IL1RAPL1: variants seen among roughly 807,000 people sequenced by gnomAD.
IL1RAPL1 encodes interleukin 1 receptor accessory protein like 1.
IL1RAPL1 carries 3 observed loss-of-function variants against 48.4 expected under a neutral mutation model. The observed-to-expected ratio is 0.06, with a 90% CI of 0.03 to 0.16. The LOEUF is 0.16. IL1RAPL1 is among the 10% of genes least tolerant of loss of function. IL1RAPL1 has a pLI of 1.00. For synonymous variants in IL1RAPL1, 185 were observed against 187.7 expected (o/e 0.99, Z 0.12); for missense variants, 349 against 530.6 (o/e 0.66, Z 3.36).
chrX:29,314,005 T>C (rs1457344351), intron 3 of IL1RAPL1, among the ~76,000 whole-genome samples: 1 of 112,270 alleles, frequency 8.9e-6, no homozygotes. Context: ...CAAGACAGTG[T>C]AGGATAGTTA....
chrX:28,976,690 G>T (rs1925215260), intron 2 of IL1RAPL1, among the ~76,000 whole-genome samples: 1 of 111,188 alleles, frequency 9.0e-6, no homozygotes, highest in Admixed American at 9.6e-5. Flanking sequence ...ATAAACAGAG[G>T]AGAGAAGAGA....
chrX:29,049,636 A>T (rs5943590), intron 2 of IL1RAPL1, among the ~76,000 whole-genome samples: 21,397 of 111,740 alleles, frequency 0.19, 1,603 homozygotes, highest in Middle Eastern at 0.24. Flanking sequence ...GGGTGCATTG[A>T]CTAGCACATA....
At chrX:29,716,484 G>A (rs941163523) in intron 6 of IL1RAPL1, among the ~76,000 whole-genome samples, 1 of 111,510 alleles carries the variant, frequency 9.0e-6, no homozygotes, top group Non-Finnish European at 1.9e-5. Context: ...AATGCTAAAT[G>A]CAAGCCAAAC....
intron 6 of IL1RAPL1, among the ~76,000 whole-genome samples, chrX:29,747,523 C>T (rs771119845): frequency 1.8e-5 from 2 of 111,897 alleles, no homozygotes; most frequent in Non-Finnish European, 3.8e-5. Flanking sequence ...GTGCAGTGTG[C>T]CAGCTCATTA....
chrX:28,645,141 A>G (rs2146900716), intron 1 of IL1RAPL1, among the ~76,000 whole-genome samples: 1 of 109,072 alleles, frequency 9.2e-6, no homozygotes, highest in East Asian at 2.9e-4. Context: ...TGAGGTTGGG[A>G]GTTCGAGACC....
At chrX:29,195,445 G>C (rs1037313167) in intron 2 of IL1RAPL1, among the ~76,000 whole-genome samples, 1 of 111,653 alleles carries the variant, frequency 9.0e-6, no homozygotes, top group Non-Finnish European at 1.9e-5. Context: ...TTTGAATTGG[G>C]AGGATTGTGG....
chrX:29,213,106 C>A (rs1474498410), intron 2 of IL1RAPL1, among the ~76,000 whole-genome samples: 2 of 111,800 alleles, frequency 1.8e-5, no homozygotes, highest in Non-Finnish European at 3.8e-5. Context: ...TCAAATGATT[C>A]TCCTGCCTCA....
intron 3 of IL1RAPL1, among the ~76,000 whole-genome samples, chrX:29,337,669 C>A (rs1933015191): frequency 9.0e-6 from 1 of 111,106 alleles, no homozygotes; most frequent in Non-Finnish European, 1.9e-5. Flanking sequence ...CAATATCTGA[C>A]AAATTTATTT....
In IL1RAPL1 at chrX:29,924,969, C is replaced by G. The variant is rs1022940205; in HGVS notation, c.1057+4875C>G. Among the ~76,000 whole-genome samples the G allele has an allele frequency of 3.6e-5, 4 of 111,518 alleles. No homozygotes were observed. The Admixed American group carries it at 3.8e-4, about 11-fold the overall frequency. ...TTTTAAAGCCAGATGAATTTAAACC[C>G]AGTGGACTCCTTTAACCCTTCTTGT... On this transcript the variant is annotated intron_variant, in intron 8 of 10. Transcript: ENST00000378993.
At chrX:29,380,291 G>A (rs764560514) in intron 3 of IL1RAPL1, among the ~76,000 whole-genome samples, 7 of 111,929 alleles carry the variant, frequency 6.3e-5, no homozygotes, top group African/African-American at 1.9e-4. Context: ...GCAATGGCAC[G>A]ATCTCAGATC....
chrX:29,100,954 A>G (rs965166914), intron 2 of IL1RAPL1, among the ~76,000 whole-genome samples: 3 of 111,916 alleles, frequency 2.7e-5, no homozygotes, highest in Admixed American at 1.9e-4. Flanking sequence ...TTATATGTGA[A>G]TGTTGGTATA....
At chrX:28,661,885 AT>A (rs2146909678) in intron 1 of IL1RAPL1, among the ~76,000 whole-genome samples, 1 of 111,803 alleles carries the variant, frequency 8.9e-6, no homozygotes, top group East Asian at 2.8e-4. Context: ...TTTAAATTAA[AT>A]TATGCTACGT....
At chrX:29,174,636 TA>T (rs1480529438) in intron 2 of IL1RAPL1, among the ~76,000 whole-genome samples, 3 of 109,342 alleles carry the variant, frequency 2.7e-5, no homozygotes, top group Non-Finnish European at 5.7e-5. Flanking sequence ...CAATGGGGTT[TA>T]ATGATATAGG....
At chrX:29,368,590 C>CTTTTT (rs894805840) in intron 3 of IL1RAPL1, among the ~76,000 whole-genome samples, 178 of 87,542 alleles carry the variant, frequency 2.0e-3, no homozygotes, top group African/African-American at 4.4e-3. Context: ...CTTTTTCTTT[C>CTTTTT]TTTTTTTTTT....
chrX:28,676,382 C>T (rs1934997131), intron 1 of IL1RAPL1, among the ~76,000 whole-genome samples: 1 of 111,768 alleles, frequency 8.9e-6, no homozygotes, highest in East Asian at 2.8e-4. Context: ...TTTAAAAGTT[C>T]ACATGGATGT....
At chrX:29,545,325 G>C (rs773888737) in intron 5 of IL1RAPL1, among the ~76,000 whole-genome samples, 1 of 110,865 alleles carries the variant, frequency 9.0e-6, no homozygotes, top group East Asian at 2.8e-4. Flanking sequence ...ACTGCCTCCA[G>C]TGTATAGTTT....
At chrX:29,863,931 C>T (rs934832644) in intron 6 of IL1RAPL1, among the ~76,000 whole-genome samples, 3 of 111,669 alleles carry the variant, frequency 2.7e-5, no homozygotes, top group Non-Finnish European at 3.8e-5. Context: ...GGATTACAGG[C>T]GTGTGCCACC....
intron 5 of IL1RAPL1, among the ~76,000 whole-genome samples, chrX:29,560,754 G>A (rs981797149): frequency 8.1e-5 from 9 of 111,443 alleles, no homozygotes; most frequent in Admixed American, 3.8e-4. Flanking sequence ...TTTGTGAATT[G>A]TTTTTCTGAT....
At chrX:28,710,547 A>C (rs1935429518) in intron 1 of IL1RAPL1, among the ~76,000 whole-genome samples, 1 of 110,197 alleles carries the variant, frequency 9.1e-6, no homozygotes, top group Non-Finnish European at 1.9e-5. Context: ...GTGTGGGAGA[A>C]GTGAGGGGAA....
Sources: allele counts gnomAD v4.1 joint callset (sites outside exome capture counted in the v4.1 genomes callset), GRCh38; gene constraint gnomAD v4.1.1; transcripts MANE v1.5; gene names NCBI Gene and HGNC (gene_info 2026-07-23, HGNC 2026-07-21).